The following EPC2 variants were observed in gnomAD, a reference collection of about 807,000 sequenced individuals.
EPC2 encodes the protein enhancer of polycomb homolog 2.
In EPC2, 14 loss-of-function variants were observed where a neutral mutation model predicts 92.1. The observed-to-expected ratio is 0.15, with a 90% CI of 0.10 to 0.24. The LOEUF is 0.24. Ranked by LOEUF, EPC2 falls within the 10% of genes least tolerant of loss-of-function variation. The pLI, the probability that EPC2 is intolerant of heterozygous loss-of-function variation, is 1.00. For synonymous variants in EPC2, 340 were observed against 334.7 expected (o/e 1.02, Z -0.17); for missense variants, 755 against 971.5 (o/e 0.78, Z 2.96).
At chr2:148,709,291 T>C (rs1182454021) in intron 2 of EPC2, among the ~76,000 whole-genome samples, 2 of 152,134 alleles carry the variant, frequency 1.3e-5, no homozygotes, top group Non-Finnish European at 2.9e-5. Context: ...TTACAAGGGA[T>C]GTGAAGGACC....
chr2:148,676,594 A>G (rs1259722171), intron 1 of EPC2, among the ~76,000 whole-genome samples: 1 of 151,976 alleles, frequency 6.6e-6, no homozygotes, highest in East Asian at 1.9e-4. Context: ...TTCTCTACAT[A>G]TATATGTATT....
intron 2 of EPC2, among the ~76,000 whole-genome samples, chr2:148,713,491 T>C (rs1682196269): frequency 6.6e-6 from 1 of 152,190 alleles, no homozygotes; most frequent in Non-Finnish European, 1.5e-5. Context: ...AAAGTTACAG[T>C]AAGCTGTTTA....
chr2:148,649,259 AT>A (rs1359366522), intron 1 of EPC2, among the ~76,000 whole-genome samples: 1 of 152,204 alleles, frequency 6.6e-6, no homozygotes, highest in African/African-American at 2.4e-5. Flanking sequence ...AGTTTGATGA[AT>A]TTTGACAAAT....
intron 2 of EPC2, chr2:148,691,522 C>T (rs970341271): frequency 1.3e-6 from 2 of 1,550,114 alleles, no homozygotes; most frequent in Non-Finnish European, 1.7e-6. Flanking sequence ...TTCTGAGATG[C>T]ACTGTTTTCA....
intron 10 of EPC2, among the ~76,000 whole-genome samples, chr2:148,772,908 T>G (rs1427217744): frequency 6.6e-6 from 1 of 152,160 alleles, no homozygotes; most frequent in Non-Finnish European, 1.5e-5. Context: ...AAAATAATTT[T>G]TCCCAAAAAG....
At chr2:148,647,306 TTTTG>T (rs761289685) in intron 1 of EPC2, among the ~76,000 whole-genome samples, 23 of 152,182 alleles carry the variant, frequency 1.5e-4, no homozygotes, top group Non-Finnish European at 3.2e-4. Context: ...TGTTGCAATT[TTTTG>T]TTTATTTGTT....
intron 1 of EPC2, among the ~76,000 whole-genome samples, chr2:148,656,843 G>A (rs924821342): frequency 1.1e-4 from 16 of 152,206 alleles, no homozygotes; most frequent in Admixed American, 9.2e-4. Context: ...TGTGGAAAAT[G>A]AAAATGATAC....
At chr2:148,737,418 G>A (rs996564723) in intron 2 of EPC2, among the ~76,000 whole-genome samples, 3 of 152,022 alleles carry the variant, frequency 2.0e-5, no homozygotes, top group African/African-American at 7.2e-5. Flanking sequence ...TCTTATTCCT[G>A]GGTGGCTGAC....
intron 2 of EPC2, among the ~76,000 whole-genome samples, chr2:148,729,303 C>A (rs1682571453): frequency 6.6e-6 from 1 of 152,018 alleles, no homozygotes. Context: ...AAATTACATA[C>A]CTCAGAGTAG....
Position 148,705,270 on chromosome 2 carries a change from G to A in EPC2, c.313+14897G>A, listed in dbSNP as rs542760410. Among the ~76,000 whole-genome samples, 16 of 151,414 alleles carry A rather than the reference G, an allele frequency of 1.1e-4. No individual in the cohort carries two copies. In the South Asian group the frequency reaches 3.4e-3, roughly 32 times the overall value. ...TCTTAAGTAAGATGTTATGTTTTAT[G>A]TATTTACTACTGCACAGTTATCATT... is the stretch of plus-strand genomic sequence containing the variant. On this transcript the variant is annotated intron_variant, in intron 2 of 13. Coordinates refer to ENST00000258484, the MANE Select transcript of EPC2 (RefSeq NM_015630.4).
chr2:148,710,762 C>T (rs141683912), intron 2 of EPC2, among the ~76,000 whole-genome samples: 3,150 of 152,170 alleles, frequency 0.021, 97 homozygotes, highest in African/African-American at 0.071. Context: ...AACCAAACAC[C>T]GCATGTTCTC....
intron 6 of EPC2, among the ~76,000 whole-genome samples, chr2:148,763,989 C>G (rs1558833592): frequency 6.6e-6 from 1 of 152,168 alleles, no homozygotes; most frequent in Non-Finnish European, 1.5e-5. Flanking sequence ...CCATTGTTGT[C>G]CTACTCCATT....
At chr2:148,679,441 GCTCT>G (rs1348531610) in intron 1 of EPC2, among the ~76,000 whole-genome samples, 4 of 152,136 alleles carry the variant, frequency 2.6e-5, no homozygotes, top group Non-Finnish European at 5.9e-5. Flanking sequence ...GATTGCAGAG[GCTCT>G]CTGAGAACTG....
At chr2:148,745,260 C>T (rs190298068) in intron 3 of EPC2, among the ~76,000 whole-genome samples, 11 of 152,082 alleles carry the variant, frequency 7.2e-5, no homozygotes, top group South Asian at 4.2e-4. Context: ...TAGGCTGGAT[C>T]AGCCTTTTGG....
At chr2:148,704,812 G>A (rs980450896) in intron 2 of EPC2, among the ~76,000 whole-genome samples, 7 of 152,234 alleles carry the variant, frequency 4.6e-5, no homozygotes, top group African/African-American at 1.7e-4. Context: ...TTGTGGCCAC[G>A]GAAAGCCTTA....
At position 148,761,795 on chromosome 2, in the gene EPC2, A is replaced by G. The variant is rs760067887; in HGVS notation, c.680A>G (p.Asp227Gly). The G allele has an allele frequency of 5.9e-6, 9 of 1,526,398 alleles. No individual in the cohort carries two copies. Among genetic ancestry groups the G allele is most frequent in the Non-Finnish European group, 7.0e-6 (8 of 1,139,458 alleles). The allele number at this position is 1,526,398 out of a possible 1,614,324, so 94.6% of individuals were successfully genotyped here. ...TATTTTTAATAGAATCGTAAGAATG[A>G]TGAAGCCTCTTATGAAAAGATGTTG... ...KMQTRKNRKN[D>G]EASYEKMLKL... Residue 227 changes from aspartate (D) to glycine (G), a missense_variant, in exon 5 of 14, where the codon GAT becomes GGT. Coordinates refer to ENST00000258484, the MANE Select transcript of EPC2 (RefSeq NM_015630.4).
intron 3 of EPC2, among the ~76,000 whole-genome samples, chr2:148,744,992 C>CG (rs1574618623): frequency 9.7e-6 from 1 of 103,430 alleles, no homozygotes; most frequent in African/African-American, 3.1e-5. Flanking sequence ...TCAGTTTGCC[C>CG]CCCCCCCCCG....
chr2:148,658,620 TA>T (rs921346809), intron 1 of EPC2, among the ~76,000 whole-genome samples: 10 of 151,064 alleles, frequency 6.6e-5, no homozygotes, highest in African/African-American at 2.4e-4. Context: ...TATATATATA[TA>T]TATATATATA....
At chr2:148,711,187 T>C (rs1182236010) in intron 2 of EPC2, among the ~76,000 whole-genome samples, 1 of 152,134 alleles carries the variant, frequency 6.6e-6, no homozygotes, top group Non-Finnish European at 1.5e-5. Flanking sequence ...ATTTTAGATC[T>C]TCTTTCCTAA....
Sources: gnomAD v4.1 joint callset for allele counts (sites outside exome capture counted in the v4.1 genomes callset) on GRCh38, gnomAD v4.1.1 for gene constraint, MANE v1.5 for transcripts, NCBI Gene and HGNC (gene_info 2026-07-23, HGNC 2026-07-21) for gene names.